The following HTR3E variants were observed in gnomAD, a reference collection of about 807,000 sequenced individuals.
HTR3E encodes the protein 5-hydroxytryptamine (serotonin) receptor 3, family member E.
A neutral mutation model predicts 38.0 loss-of-function variants in HTR3E; 38 were observed. The ratio of observed to expected loss-of-function variants is 1.00; its 90% CI spans 0.77 to 1.31. The LOEUF is 1.31. Ranked by LOEUF, HTR3E falls within the 50% of genes most tolerant of loss-of-function variation. The pLI is 0.00. For missense variants in HTR3E, 547 were observed against 585.2 expected (o/e 0.93, Z 0.67); for synonymous variants, 210 against 232.9 (o/e 0.90, Z 0.89).
Position 184,097,491 on chromosome 3 carries a change from G to A in HTR3E, c.-39G>A. On this transcript the variant is annotated 5_prime_UTR_variant, in exon 1 of 9. Transcript: ENST00000415389. ...GCTGCTTTAATCTGGGCATTCCTGG[G>A]TCCCAGTACATGTTCAGAGAAGAAC... 4.8e-6 allele frequency: 7 copies of A among 1,471,976 alleles called. No individual in the cohort carries two copies. Among genetic ancestry groups the A allele is most frequent in the Non-Finnish European group, 6.4e-6 (7 of 1,088,628 alleles). The allele number at this position is 1,471,976 out of a possible 1,614,324, so 91.2% of individuals were successfully genotyped here. A position where few individuals can be genotyped will look rare whatever the true frequency, so the allele number is the denominator to read the frequency against.
intron 1 of HTR3E, 147 bp downstream of exon 1, chr3:184,097,743 C>T (rs1272034258): frequency 1.6e-6 from 1 of 609,670 alleles, no homozygotes; most frequent in Non-Finnish European, 2.8e-6. Flanking sequence ...AAGATGCCCA[C>T]ATAGACTTTC....
chr3:184,099,739 A>AAAC lies in HTR3E; in HGVS notation c.68-745_68-744insACA, dbSNP rs767836103. 3.4e-3 allele frequency among the ~76,000 whole-genome samples: 382 copies of AAAC among 113,072 alleles called. 48 individuals carry two copies. The highest frequency in any genetic ancestry group is 0.013 in the African/African-American group (357 of 27,062). The allele number at this position is 113,072 out of a possible 152,430, so 74.2% of individuals were successfully genotyped here. ...CCGTCTCAAAAAAAAAAAAAAAAAA[A>AAAC]AGAAAGAAATATGCACAATTATTAT... On this transcript the variant is annotated intron_variant, in intron 1 of 8. Coordinates refer to ENST00000415389, the MANE Select transcript of HTR3E (RefSeq NM_001256613.2).
In HTR3E at chr3:184,105,848, C is replaced by G; in HGVS notation, c.804C>G (p.Ser268Arg). ...SGFLVAIDAL[S>R]FYLPVKSGNR... is the part of the protein sequence containing the mutation. Reference sequence around the variant, plus strand: ...TTCTGGTTGCCATCGATGCCCTCAGCTTCTACCTGCCAGTGAAAAGTGGGA... The same window carrying G: ...TTCTGGTTGCCATCGATGCCCTCAGGTTCTACCTGCCAGTGAAAAGTGGGA... The change falls in exon 7 of 9, where the codon AGC becomes AGG. Residue 268 changes from serine to arginine, a missense_variant. Ser to Arg is a moderately radical substitution (Grantham distance 110). Transcript: ENST00000415389. The G allele has an allele frequency of 6.2e-7, 1 of 1,614,140 alleles. No homozygotes were observed. Among genetic ancestry groups the G allele is most frequent in the Non-Finnish European group, 8.5e-7 (1 of 1,180,014 alleles).
intron 3 of HTR3E, among the ~76,000 whole-genome samples, chr3:184,102,706 C>G (rs1279247859): frequency 2.0e-5 from 3 of 151,850 alleles, no homozygotes; most frequent in African/African-American, 7.3e-5. Flanking sequence ...CGGTGGATCG[C>G]CTGAACTCAG....
chr3:184,101,035 C>T (rs371770624), intron 2 of HTR3E, among the ~76,000 whole-genome samples: 9 of 152,164 alleles, frequency 5.9e-5, no homozygotes, highest in African/African-American at 1.9e-4. Flanking sequence ...CCTCCACCTC[C>T]TGGGCTCAAG....
intron 1 of HTR3E, among the ~76,000 whole-genome samples, chr3:184,098,524 T>G (rs1711783301): frequency 6.6e-6 from 1 of 152,166 alleles, no homozygotes; most frequent in East Asian, 1.9e-4. Flanking sequence ...CTAGGCAGTG[T>G]AAATGGTTAT....
intron 1 of HTR3E, chr3:184,100,085 C>CAG: frequency 8.4e-7 from 1 of 1,195,284 alleles, no homozygotes; most frequent in Non-Finnish European, 1.0e-6. Context: ...AAGGAAGAGC[C>CAG]CAGCGTCTGG....
chr3:184,105,567 C>G, intron 6 of HTR3E, 140 bp downstream of exon 6: 1 of 1,103,402 alleles, frequency 9.1e-7, no homozygotes, highest in Non-Finnish European at 1.3e-6. Context: ...ATTCTTCATC[C>G]TAAAGCTCAG....
rs1167044659 is a variant in HTR3E, at chr3:184,106,911, G to A, written c.*218G>A. ...TTGGCTTCCTTCAGTCCTACCATAT[G>A]GTTCTAGGTCCCTCTTACGTCATCT... On this transcript the variant is annotated 3_prime_UTR_variant, in exon 9 of 9. Transcript: ENST00000415389. The surrounding 1 kb of genome is among the most constrained non-coding windows in gnomAD (Gnocchi z 4.1). The A allele has an allele frequency of 5.0e-6, 3 of 598,950 alleles. No individual in the cohort carries two copies. Among genetic ancestry groups the A allele is most frequent in the Non-Finnish European group, 8.8e-6 (3 of 339,122 alleles). The allele number at this position is 598,950 out of a possible 1,614,324, so 37.1% of individuals were successfully genotyped here.
intron 3 of HTR3E, among the ~76,000 whole-genome samples, chr3:184,103,229 C>T (rs895458518): frequency 1.3e-5 from 2 of 152,088 alleles, no homozygotes; most frequent in African/African-American, 4.8e-5. Context: ...CACCTATAAT[C>T]CCAGCTCTTT....
At chr3:184,099,739 A>AAAAAC (rs767836103) in intron 1 of HTR3E, among the ~76,000 whole-genome samples, 23,849 of 111,642 alleles carry the variant, frequency 0.21, 4,358 homozygotes, top group East Asian at 0.54. Flanking sequence ...AAAAAAAAAA[A>AAAAAC]AGAAAGAAAT....
At position 184,100,590 on chromosome 3, in the gene HTR3E, C is replaced by T. The variant is rs1711976700; in HGVS notation, c.173C>T (p.Thr58Ile). ...VFNRKPFRPVTNISVPTQVNI... is the reference protein window; with the variant it reads ...VFNRKPFRPVINISVPTQVNI... Reference sequence around the variant, plus strand: ...AATAGAAAGCCCTTCCGTCCGGTCACCAACATCAGCGTCCCCACCCAAGTC... The same window carrying T: ...AATAGAAAGCCCTTCCGTCCGGTCATCAACATCAGCGTCCCCACCCAAGTC... The change falls in exon 2 of 9, where the codon ACC becomes ATC. Residue 58 changes from threonine (T) to isoleucine (I), a missense_variant. Thr to Ile is a moderately conservative substitution (Grantham distance 89, BLOSUM62 -1). Transcript: ENST00000415389. 6 of 1,614,188 alleles carry T rather than the reference C, an allele frequency of 3.7e-6. No homozygotes were observed. Among genetic ancestry groups the T allele is most frequent in the Non-Finnish European group, 5.1e-6 (6 of 1,180,036 alleles).
At position 184,106,677 on chromosome 3, in the gene HTR3E, G is replaced by A. The variant is rs1344274224; in HGVS notation, c.1355G>A (p.Cys452Tyr). 4 of 1,614,010 alleles carry A rather than the reference G, an allele frequency of 2.5e-6. No homozygotes were observed. In the African/African-American group the frequency reaches 4.0e-5, roughly 16 times the overall value. The change falls in exon 9 of 9, where the codon TGC becomes TAC. Residue 452 changes from cysteine to tyrosine, a missense_variant. Coordinates refer to ENST00000415389, the MANE Select transcript of HTR3E (RefSeq NM_001256613.2). This position sits in a 1 kb window ranked among gnomAD's most constrained non-coding sequence, Gnocchi z 4.1. Reference sequence around the variant, plus strand: ...GCCTCCTCTATCATCACCGTCATATGCCTCTGGAACACCTAGGCAGGTGCT... The same window carrying A: ...GCCTCCTCTATCATCACCGTCATATACCTCTGGAACACCTAGGCAGGTGCT... ...FMASSIITVI[C>Y]LWNT
intron 1 of HTR3E, chr3:184,100,149 G>T (rs1711935197): frequency 7.1e-7 from 1 of 1,399,006 alleles, no homozygotes; most frequent in Non-Finnish European, 9.3e-7. Flanking sequence ...GGGACGTATA[G>T]CACAGCAGCA....
In HTR3E at chr3:184,099,533, T is replaced by C. The variant is rs1031704890; in HGVS notation, c.68-952T>C. Among the ~76,000 whole-genome samples the C allele has an allele frequency of 2.6e-5, 4 of 150,944 alleles. No individual in the cohort carries two copies. In the Middle Eastern group the frequency reaches 0.01, roughly 385 times the overall value. ...ATTGAGACCATCCTGGCTAACAAGG[T>C]GAAACCCCGTCTCTACTAAAAATAC... On this transcript the variant is annotated intron_variant, in intron 1 of 8. Coordinates refer to ENST00000415389, the MANE Select transcript of HTR3E (RefSeq NM_001256613.2).
chr3:184,105,823 T>C lies in HTR3E; in HGVS notation c.779T>C (p.Phe260Ser), dbSNP rs757276029. The change falls in exon 7 of 9, where the codon TTT (phenylalanine) becomes TCT (serine). Residue 260 changes from phenylalanine to serine, a missense_variant. Transcript: ENST00000415389. ...ATAAACCTTCTCGTGCCCAGTGGCT[T>C]TCTGGTTGCCATCGATGCCCTCAGC... ...YVINLLVPSG[F>S]LVAIDALSFY... 5.6e-6 allele frequency: 9 copies of C among 1,614,206 alleles called. No individual in the cohort carries two copies. The highest frequency in any genetic ancestry group is 7.6e-6 in the Non-Finnish European group (9 of 1,180,054).
intron 3 of HTR3E, among the ~76,000 whole-genome samples, chr3:184,103,572 T>G (rs1461903447): frequency 7.0e-6 from 1 of 142,668 alleles, no homozygotes; most frequent in Non-Finnish European, 1.5e-5. Flanking sequence ...GAGGTTGCAG[T>G]GAGCCAAGAT....
intron 1 of HTR3E, chr3:184,100,113 C>T: frequency 3.9e-6 from 5 of 1,297,486 alleles, no homozygotes; most frequent in Non-Finnish European, 4.9e-6. Context: ...TCGGTGATCC[C>T]CTCCCCATTC....
At position 184,104,859 on chromosome 3, in the gene HTR3E, A is replaced by G; in HGVS notation, c.462A>G (p.Lys154=). The G allele has an allele frequency of 6.2e-7, 1 of 1,614,058 alleles. No individual in the cohort carries two copies. The highest frequency in any genetic ancestry group is 1.7e-5 in the Admixed American group (1 of 59,994). Residue 154 remains lysine (K), a synonymous_variant, in exon 5 of 9, where the codon AAA becomes AAG. Coordinates refer to ENST00000415389, the MANE Select transcript of HTR3E (RefSeq NM_001256613.2). ...VSNEGRIRYK[K]PMKVDSICNL... ...ATGAAGGTCGCATCAGGTATAAGAA[A>G]CCCATGAAGGTGGACAGTATCTGTA... is the stretch of plus-strand genomic sequence containing the variant.
Sources: gnomAD v4.1 joint callset for allele counts (sites outside exome capture counted in the v4.1 genomes callset) on GRCh38, gnomAD v4.1.1 for gene constraint, Gnocchi (gnomAD v3.1) non-coding constraint, MANE v1.5 for transcripts, NCBI Gene and HGNC (gene_info 2026-07-23, HGNC 2026-07-21) for gene names.